Variants in PTPRO observed in about 807,000 individuals in gnomAD.
PTPRO encodes receptor-type tyrosine-protein phosphatase O.
A neutral mutation model predicts 145.2 loss-of-function variants in PTPRO; 62 were observed. The ratio of observed to expected loss-of-function variants is 0.43; its 90% CI spans 0.35 to 0.53. PTPRO has a LOEUF of 0.53. PTPRO is among the 20% of genes least tolerant of loss of function. PTPRO has a pLI of 0.01. For missense variants in PTPRO, 1,345 were observed against 1,482.7 expected, an observed-to-expected ratio of 0.91 and a Z score of 1.53; for synonymous variants, 565 against 514.7, an observed-to-expected ratio of 1.10 and a Z score of -1.32.
intron 14 of PTPRO, among the ~76,000 whole-genome samples, chr12:15,550,047 G>A (rs74063860): frequency 6.6e-6 from 1 of 152,088 alleles, no homozygotes. Context: ...TACAGTTGAC[G>A]ATGAATAATG....
chr12:15,539,761 C>CAAAAAAAA (rs56061735), intron 12 of PTPRO, among the ~76,000 whole-genome samples: 1 of 52,484 alleles, frequency 1.9e-5, no homozygotes, highest in African/African-American at 8.5e-5. Context: ...GACTCTGTCT[C>CAAAAAAAA]AAAAAAAAAA....
intron 19 of PTPRO, among the ~76,000 whole-genome samples, chr12:15,570,347 A>G (rs1426122366): frequency 2.0e-5 from 3 of 151,806 alleles, no homozygotes; most frequent in Non-Finnish European, 2.9e-5. Context: ...AAAGCCTTTT[A>G]AGTGCTCTTT....
At chr12:15,557,658 G>A in intron 16 of PTPRO, 135 bp downstream of exon 16, 1 of 763,086 alleles carries the variant, frequency 1.3e-6, no homozygotes, top group South Asian at 1.5e-5. Flanking sequence ...GACTTTCAAT[G>A]GCTAGATCTT....
chr12:15,458,861 T>A (rs950172667), intron 1 of PTPRO, among the ~76,000 whole-genome samples: 2 of 152,150 alleles, frequency 1.3e-5, no homozygotes, highest in Non-Finnish European at 2.9e-5. Context: ...AATCTTGTAC[T>A]TTGTTTTGGA....
At chr12:15,561,917 C>A (rs959756777) in intron 17 of PTPRO, among the ~76,000 whole-genome samples, 3 of 152,080 alleles carry the variant, frequency 2.0e-5, no homozygotes, top group African/African-American at 7.2e-5. Context: ...CCTTAATAGG[C>A]CTCATTGATG....
intron 1 of PTPRO, among the ~76,000 whole-genome samples, chr12:15,480,178 T>C: frequency 6.6e-6 from 1 of 152,200 alleles, no homozygotes; most frequent in African/African-American, 2.4e-5. Context: ...ATTTTTACCC[T>C]TTCATTCATT....
chr12:15,587,599 C>G (rs1944456572), intron 24 of PTPRO, among the ~76,000 whole-genome samples: 2 of 152,136 alleles, frequency 1.3e-5, no homozygotes, highest in East Asian at 1.9e-4. Flanking sequence ...AATTGTCAGA[C>G]AGTAGAATGA....
chr12:15,582,779 T>C (rs1054275386), intron 23 of PTPRO, among the ~76,000 whole-genome samples: 1 of 152,216 alleles, frequency 6.6e-6, no homozygotes, highest in Admixed American at 6.5e-5. Flanking sequence ...GGTCTTATTA[T>C]CATAATTCCC....
chr12:15,561,004 T>C (rs559950542), intron 17 of PTPRO, among the ~76,000 whole-genome samples: 138 of 152,202 alleles, frequency 9.1e-4, no homozygotes, highest in African/African-American at 3.0e-3. Context: ...CCTTTTGACT[T>C]TTTAATATGT....
chr12:15,438,498 C>T (rs879228161), intron 1 of PTPRO, among the ~76,000 whole-genome samples: 3 of 151,960 alleles, frequency 2.0e-5, no homozygotes, highest in Non-Finnish European at 4.4e-5. Flanking sequence ...AAAAGATAAA[C>T]ATCTTAAAAA....
At chr12:15,581,528 T>C in intron 22 of PTPRO, 151 bp from the exon 23 acceptor site, 1 of 879,918 alleles carries the variant, frequency 1.1e-6, no homozygotes, top group Non-Finnish European at 1.8e-6. Flanking sequence ...GAATTCACAC[T>C]ACGTAGCAGA....
intron 1 of PTPRO, among the ~76,000 whole-genome samples, chr12:15,390,914 A>G (rs915610379): frequency 6.6e-6 from 1 of 152,190 alleles, no homozygotes; most frequent in African/African-American, 2.4e-5. Context: ...AAGGTGCCAG[A>G]CCATTCAGTT....
At chr12:15,356,511 C>T (rs1339266218) in intron 1 of PTPRO, among the ~76,000 whole-genome samples, 1 of 152,092 alleles carries the variant, frequency 6.6e-6, no homozygotes, top group East Asian at 1.9e-4. Flanking sequence ...GGGGTTCATT[C>T]CCCTCTAGGT....
At chr12:15,465,491 C>T (rs746204018) in intron 1 of PTPRO, among the ~76,000 whole-genome samples, 4 of 152,164 alleles carry the variant, frequency 2.6e-5, no homozygotes, top group South Asian at 2.1e-4. Flanking sequence ...ATTACTTCTA[C>T]GTCTTACTCT....
At chr12:15,440,376 C>A (rs1940729374) in intron 1 of PTPRO, 2 of 362,274 alleles carry the variant, frequency 5.5e-6, no homozygotes, top group Non-Finnish European at 5.0e-6. Context: ...ATGCAGAGGA[C>A]TGAGGCTCCA....
chr12:15,501,878 C>T lies in PTPRO; in HGVS notation c.920C>T (p.Pro307Leu). ...PYWWDSASAA[P>L]ESEDEFVSVL... ...TGGTGGGACAGTGCATCTGCAGCTC[C>T]TGAAAGTGAAGATGAATTTGTCAGC... The change falls in exon 5 of 27, where the codon CCT (proline) becomes CTT (leucine). Residue 307 changes from proline (P) to leucine (L), a missense_variant. Pro to Leu is a moderately conservative substitution (Grantham distance 98). Around this residue, in one of 3 missense-constraint regions of PTPRO, gnomAD observed 1,130 missense variants for 1,214.7 expected, o/e 0.93. Transcript: ENST00000281171. 6.2e-7 allele frequency: 1 copy of T among 1,614,072 alleles called. No homozygotes were observed. Among genetic ancestry groups the T allele is most frequent in the Non-Finnish European group, 8.5e-7 (1 of 1,180,010 alleles).
At chr12:15,471,119 A>G (rs1055007637) in intron 1 of PTPRO, among the ~76,000 whole-genome samples, 7 of 152,226 alleles carry the variant, frequency 4.6e-5, no homozygotes, top group South Asian at 2.1e-4. Flanking sequence ...TTTTGAAACC[A>G]TAAAGAATGT....
At chr12:15,409,996 A>G (rs1464054710) in intron 1 of PTPRO, among the ~76,000 whole-genome samples, 1 of 152,298 alleles carries the variant, frequency 6.6e-6, no homozygotes, top group South Asian at 2.1e-4. Flanking sequence ...AGATTTAACA[A>G]CCTTAGGGCA....
Position 15,388,531 on chromosome 12 carries a change from G to T in PTPRO, c.75+65730G>T, listed in dbSNP as rs541571290. On this transcript the variant is annotated intron_variant, in intron 1 of 26. Transcript: ENST00000281171. ...ATAATGAAACACCTAAAATGATAAG[G>T]CACTAGTGTCTGAGCAGAATAGACC... 2.2e-4 allele frequency among the ~76,000 whole-genome samples: 34 copies of T among 152,222 alleles called. No homozygotes were observed. In the South Asian group the frequency reaches 7.0e-3, roughly 32 times the overall value.
Sources: gnomAD v4.1 joint callset for allele counts (sites outside exome capture counted in the v4.1 genomes callset) on GRCh38, gnomAD v4.1.1 for gene constraint, gnomAD v4.1.1 regional missense constraint, MANE v1.5 for transcripts, NCBI Gene and HGNC (gene_info 2026-07-23, HGNC 2026-07-21) for gene names.